Variants in BAZ1A observed in about 807,000 individuals in gnomAD.
BAZ1A encodes the protein bromodomain adjacent to zinc finger domain 1A, also known as bromodomain adjacent to zinc finger domain protein 1A.
BAZ1A carries 50 observed loss-of-function variants against 185.2 expected under a neutral mutation model. The observed-to-expected ratio is 0.27, with a 90% CI of 0.22 to 0.34. The LOEUF is 0.34. BAZ1A is among the 10% of genes least tolerant of loss of function. BAZ1A has a pLI of 1.00. For synonymous variants in BAZ1A, 571 were observed against 615.6 expected (o/e 0.93, Z 1.07); for missense variants, 1,356 against 1,839.9 (o/e 0.74, Z 4.81).
At chr14:34,873,902 C>T (rs2042995144) in intron 2 of BAZ1A, among the ~76,000 whole-genome samples, 1 of 152,180 alleles carries the variant, frequency 6.6e-6, no homozygotes, top group Admixed American at 6.5e-5. Flanking sequence ...ACCCCTGGCC[C>T]GTAGGGACGC....
intron 23 of BAZ1A, among the ~76,000 whole-genome samples, chr14:34,764,289 C>CTTTTTTTTTTT (rs34861206): frequency 2.1e-4 from 23 of 111,848 alleles, no homozygotes; most frequent in South Asian, 2.9e-4. Flanking sequence ...TTTTTCTTTT[C>CTTTTTTTTTTT]TTTTTTTTTT....
At chr14:34,773,811 C>A in intron 19 of BAZ1A, 85 bp from the exon 20 acceptor site, 2 of 1,283,592 alleles carry the variant, frequency 1.6e-6, no homozygotes, top group Non-Finnish European at 2.2e-6. Flanking sequence ...CATATAAAAT[C>A]AATTCATGGA....
intron 23 of BAZ1A, among the ~76,000 whole-genome samples, chr14:34,763,775 CT>C (rs762990440): frequency 2.6e-5 from 4 of 151,238 alleles, no homozygotes; most frequent in Admixed American, 6.6e-5. Flanking sequence ...TAGAAATGCA[CT>C]TTTTTTTTAG....
At chr14:34,787,351 CAAAA>C (rs918534072) in intron 12 of BAZ1A, among the ~76,000 whole-genome samples, 1 of 41,486 alleles carries the variant, frequency 2.4e-5, no homozygotes, top group Non-Finnish European at 5.6e-5. Context: ...GACTCTGTCT[CAAAA>C]AAAAAAAAAA....
intron 3 of BAZ1A, among the ~76,000 whole-genome samples, chr14:34,844,336 G>A (rs917286606): frequency 2.0e-5 from 3 of 151,786 alleles, no homozygotes; most frequent in Non-Finnish European, 4.4e-5. Flanking sequence ...TGAAAGACTT[G>A]TACACTGAAA....
At chr14:34,814,989 G>A (rs903198753) in intron 4 of BAZ1A, among the ~76,000 whole-genome samples, 1 of 151,824 alleles carries the variant, frequency 6.6e-6, no homozygotes, top group African/African-American at 2.4e-5. Context: ...TGGCCAGGCT[G>A]GTCTCGAACT....
At chr14:34,799,687 C>CT (rs1881398409) in intron 9 of BAZ1A, among the ~76,000 whole-genome samples, 1 of 152,008 alleles carries the variant, frequency 6.6e-6, no homozygotes, top group African/African-American at 2.4e-5. Flanking sequence ...TCTTGGCTCA[C>CT]TGTAACCTCC....
intron 3 of BAZ1A, among the ~76,000 whole-genome samples, chr14:34,830,166 T>G (rs191352049): frequency 1.3e-3 from 200 of 152,246 alleles, no homozygotes; most frequent in African/African-American, 4.6e-3. Flanking sequence ...ACATAAAACA[T>G]ATGTCCACAC....
intron 20 of BAZ1A, among the ~76,000 whole-genome samples, chr14:34,773,000 C>T (rs900409964): frequency 2.0e-5 from 3 of 152,064 alleles, no homozygotes; most frequent in Non-Finnish European, 2.9e-5. Flanking sequence ...TTTACTCCAG[C>T]CTGGCAACAG....
chr14:34,779,623 A>G (rs1879908518), intron 17 of BAZ1A, among the ~76,000 whole-genome samples: 1 of 152,206 alleles, frequency 6.6e-6, no homozygotes, highest in African/African-American at 2.4e-5. Flanking sequence ...TAGTCATTAA[A>G]TAAGGTCATT....
chr14:34,841,562 G>A (rs1431068189), intron 3 of BAZ1A, among the ~76,000 whole-genome samples: 1 of 152,084 alleles, frequency 6.6e-6, no homozygotes. Flanking sequence ...GCTAATTTTT[G>A]TATTTTTAGT....
At chr14:34,783,623 G>T in intron 15 of BAZ1A, 139 bp downstream of exon 15, 1 of 1,132,528 alleles carries the variant, frequency 8.8e-7, no homozygotes, top group Non-Finnish European at 1.2e-6. Flanking sequence ...CACCACACCT[G>T]GCCTCATTCA....
chr14:34,822,421 C>G (rs1594875148), intron 4 of BAZ1A, among the ~76,000 whole-genome samples: 2 of 152,064 alleles, frequency 1.3e-5, no homozygotes, highest in South Asian at 4.1e-4. Flanking sequence ...CTTAGGAATA[C>G]CAAACCAGCC....
chr14:34,773,519 A>C (rs1879373517), intron 20 of BAZ1A, 53 bp downstream of exon 20: 10 of 1,402,918 alleles, frequency 7.1e-6, no homozygotes, highest in South Asian at 1.4e-5. Flanking sequence ...AAAAAAAAAA[A>C]CCTTAAAATG....
intron 4 of BAZ1A, among the ~76,000 whole-genome samples, chr14:34,811,627 T>C (rs1019568626): frequency 6.6e-6 from 1 of 152,072 alleles, no homozygotes; most frequent in Non-Finnish European, 1.5e-5. Context: ...TACATGGCCA[T>C]GCATTTTTAC....
intron 4 of BAZ1A, among the ~76,000 whole-genome samples, chr14:34,819,492 T>C (rs1014601194): frequency 1.3e-5 from 2 of 152,248 alleles, no homozygotes; most frequent in Non-Finnish European, 2.9e-5. Flanking sequence ...TATAGGCATA[T>C]ACCCATGTGA....
chr14:34,807,832 G>A (rs908370948), intron 5 of BAZ1A, among the ~76,000 whole-genome samples: 9 of 152,082 alleles, frequency 5.9e-5, no homozygotes, highest in African/African-American at 1.9e-4. Flanking sequence ...AGAGCCGGGC[G>A]CAGTGGCTCA....
At chr14:34,863,931 G>A (rs979351155) in intron 2 of BAZ1A, among the ~76,000 whole-genome samples, 1 of 151,454 alleles carries the variant, frequency 6.6e-6, no homozygotes, top group Admixed American at 6.6e-5. Flanking sequence ...CAAGCATTCT[G>A]TCTTGCCTCA....
intron 21 of BAZ1A, among the ~76,000 whole-genome samples, chr14:34,769,652 A>G (rs1879080230): frequency 6.6e-6 from 1 of 152,206 alleles, no homozygotes. Context: ...AAAATTTCAG[A>G]AGTGGGAAAA....
Sources: allele counts gnomAD v4.1 joint callset (sites outside exome capture counted in the v4.1 genomes callset), GRCh38; gene constraint gnomAD v4.1.1; transcripts MANE v1.5; gene names NCBI Gene and HGNC (gene_info 2026-07-23, HGNC 2026-07-21).